Variants in CTDSPL2 observed in about 807,000 individuals in gnomAD.
CTDSPL2 encodes the protein CTD small phosphatase like 2.
Under a neutral mutation model 60.0 loss-of-function variants are expected in CTDSPL2, and 5 were observed. The observed-to-expected ratio is 0.08, with a 90% confidence interval of 0.04 to 0.18. The LOEUF is 0.18. Among genes scored for constraint, CTDSPL2 ranks in the 10% least tolerant of loss-of-function variants. The pLI is 1.00. For missense variants in CTDSPL2, 370 were observed against 548.8 expected (o/e 0.67, Z 3.26); for synonymous variants, 186 against 189.3 (o/e 0.98, Z 0.14).
intron 8 of CTDSPL2, among the ~76,000 whole-genome samples, chr15:44,508,097 T>G (rs2081502488): frequency 6.6e-6 from 1 of 152,092 alleles, no homozygotes; most frequent in East Asian, 1.9e-4. Flanking sequence ...TCTTTTTTTT[T>G]TTGGAGACAG....
chr15:44,444,619 T>G (rs1032274645), intron 1 of CTDSPL2, among the ~76,000 whole-genome samples: 1 of 151,996 alleles, frequency 6.6e-6, no homozygotes, highest in African/African-American at 2.4e-5. Context: ...GTACTGAGAT[T>G]ACTGGTGTGA....
At chr15:44,472,543 G>GTT (rs58034708) in intron 2 of CTDSPL2, among the ~76,000 whole-genome samples, 5 of 139,110 alleles carry the variant, frequency 3.6e-5, no homozygotes, top group African/African-American at 5.2e-5. Context: ...GTAAGAGGTG[G>GTT]TTTTTTTTTT....
Position 44,434,546 on chromosome 15 carries a change from A to G in CTDSPL2, c.-25+6774A>G, listed in dbSNP as rs545506417. Among the ~76,000 whole-genome samples, 435 of 152,212 alleles carry G rather than the reference A, an allele frequency of 2.9e-3. 3 individuals carry two copies. The highest frequency in any genetic ancestry group is 1.0e-2 in the African/African-American group (414 of 41,542). On this transcript the variant is annotated intron_variant, in intron 1 of 12. Transcript: ENST00000260327. Reference sequence around the variant, plus strand: ...GTAGTTGGAACTACAGGTGTGCACCACCACGCCTGGCCAAGTTTTAAAATT... The same window carrying G: ...GTAGTTGGAACTACAGGTGTGCACCGCCACGCCTGGCCAAGTTTTAAAATT...
intron 2 of CTDSPL2, among the ~76,000 whole-genome samples, chr15:44,462,461 G>C (rs1012236338): frequency 2.0e-5 from 3 of 152,048 alleles, no homozygotes; most frequent in Admixed American, 6.6e-5. Flanking sequence ...CAGATCATCA[G>C]GCATCAGATT....
intron 1 of CTDSPL2, among the ~76,000 whole-genome samples, chr15:44,451,143 C>T (rs923803272): frequency 6.6e-6 from 1 of 152,042 alleles, no homozygotes; most frequent in Non-Finnish European, 1.5e-5. Flanking sequence ...GTCTGTTTCC[C>T]AGGCTGGAGT....
chr15:44,489,944 G>A (rs1035113876), intron 4 of CTDSPL2, among the ~76,000 whole-genome samples: 1 of 152,086 alleles, frequency 6.6e-6, no homozygotes. Context: ...ATATTGGTAT[G>A]GGAGAATAAA....
At chr15:44,502,440 A>G (rs908489051) in intron 8 of CTDSPL2, among the ~76,000 whole-genome samples, 4 of 152,098 alleles carry the variant, frequency 2.6e-5, no homozygotes, top group South Asian at 4.1e-4. Context: ...TGTATTATAT[A>G]TGTTTTAATA....
At chr15:44,511,758 C>T (rs1297153141) in intron 8 of CTDSPL2, among the ~76,000 whole-genome samples, 4 of 147,486 alleles carry the variant, frequency 2.7e-5, no homozygotes, top group African/African-American at 1.0e-4. Flanking sequence ...ACCCCAGCTA[C>T]TGGGGAGGCT....
At chr15:44,485,240 C>T (rs895794830) in intron 3 of CTDSPL2, among the ~76,000 whole-genome samples, 1 of 152,154 alleles carries the variant, frequency 6.6e-6, no homozygotes, top group South Asian at 2.1e-4. Flanking sequence ...TCAATACTGC[C>T]GCTGTTGATA....
chr15:44,459,963 C>G (rs373257287), intron 2 of CTDSPL2, among the ~76,000 whole-genome samples: 6 of 152,214 alleles, frequency 3.9e-5, no homozygotes, highest in African/African-American at 1.4e-4. Flanking sequence ...TCTGGACCAA[C>G]TTGAGTGACC....
At chr15:44,483,774 G>T (rs2081071825) in intron 2 of CTDSPL2, among the ~76,000 whole-genome samples, 1 of 152,116 alleles carries the variant, frequency 6.6e-6, no homozygotes, top group South Asian at 2.1e-4. Context: ...GTGTGGCAGT[G>T]CCAGGCCCCA....
chr15:44,465,547 TTTC>T (rs936044448), intron 2 of CTDSPL2, among the ~76,000 whole-genome samples: 6 of 152,246 alleles, frequency 3.9e-5, no homozygotes, highest in African/African-American at 1.2e-4. Flanking sequence ...TTCTGTTTTG[TTTC>T]TTCTTCTAAA....
Position 44,524,325 on chromosome 15 carries a change from C to T in CTDSPL2, c.*151C>T. 2 of 635,486 alleles carry T rather than the reference C, an allele frequency of 3.1e-6. No individual in the cohort carries two copies. Among genetic ancestry groups the T allele is most frequent in the South Asian group, 3.7e-5 (2 of 54,374 alleles). The allele number at this position is 635,486 out of a possible 1,614,324, so 39.4% of individuals were successfully genotyped here. On this transcript the variant is annotated 3_prime_UTR_variant, in exon 13 of 13. Coordinates refer to ENST00000260327, the MANE Select transcript of CTDSPL2 (RefSeq NM_016396.3). ...GGTGCCCAATAATAATTAAGGGTTA[C>T]AGAAAGAGACTTTATCTATCTCAGA...
At chr15:44,451,619 T>C (rs980734359) in intron 1 of CTDSPL2, among the ~76,000 whole-genome samples, 1 of 152,184 alleles carries the variant, frequency 6.6e-6, no homozygotes, top group African/African-American at 2.4e-5. Context: ...GGTCATACTT[T>C]ACTGTTTCTA....
chr15:44,437,321 A>C (rs903913657), intron 1 of CTDSPL2, among the ~76,000 whole-genome samples: 3 of 152,190 alleles, frequency 2.0e-5, no homozygotes, highest in African/African-American at 7.2e-5. Flanking sequence ...ACAATGTGCT[A>C]TTTTCTCTTA....
At chr15:44,477,520 G>C (rs1283621364) in intron 2 of CTDSPL2, among the ~76,000 whole-genome samples, 2 of 142,246 alleles carry the variant, frequency 1.4e-5, no homozygotes, top group Non-Finnish European at 3.1e-5. Context: ...TGGTGACAGG[G>C]CAAGACCCTG....
At chr15:44,481,450 A>G (rs2081025300) in intron 2 of CTDSPL2, among the ~76,000 whole-genome samples, 1 of 152,206 alleles carries the variant, frequency 6.6e-6, no homozygotes, top group Non-Finnish European at 1.5e-5. Flanking sequence ...GGGTTTGTAG[A>G]TGATTTTCTT....
chr15:44,484,464 G>A lies in CTDSPL2; in HGVS notation c.325+102G>A. ...AAACTCTACTTTGAGGCCGGGTGCA[G>A]TGGCTCATGCCTGTAATCCTCACAT... is the stretch of plus-strand genomic sequence containing the variant. On this transcript the variant is annotated intron_variant, in intron 3 of 12. Transcript: ENST00000260327. 4.5e-6 allele frequency: 5 copies of A among 1,114,116 alleles called. No individual in the cohort carries two copies. In the South Asian group the frequency reaches 5.5e-5, roughly 12 times the overall value. The allele number at this position is 1,114,116 out of a possible 1,614,324, so 69.0% of individuals were successfully genotyped here.
intron 2 of CTDSPL2, among the ~76,000 whole-genome samples, chr15:44,483,663 G>A (rs1010975490): frequency 6.6e-6 from 1 of 152,192 alleles, no homozygotes; most frequent in Non-Finnish European, 1.5e-5. Flanking sequence ...AACTGGTCAT[G>A]GGGACTTGCC....
Sources: allele counts gnomAD v4.1 joint callset (sites outside exome capture counted in the v4.1 genomes callset), GRCh38; gene constraint gnomAD v4.1.1; transcripts MANE v1.5; gene names NCBI Gene and HGNC (gene_info 2026-07-23, HGNC 2026-07-21).